The following MAF variants were observed in gnomAD, a reference collection of about 807,000 sequenced individuals.
MAF encodes the protein transcription factor Maf.
Under a neutral mutation model 22.0 loss-of-function variants are expected in MAF, and 10 were observed. The ratio of observed to expected loss-of-function variants is 0.45; its 90% CI spans 0.28 to 0.77. MAF has a LOEUF of 0.77. Ranked by LOEUF, MAF falls within the 30% of genes least tolerant of loss-of-function variation. The probability of loss-of-function intolerance (pLI) is 0.12; values close to 1 mark genes in which losing one functional copy is unlikely to be tolerated. For missense variants in MAF, 544 were observed against 548.4 expected, an observed-to-expected ratio of 0.99 and a Z score of 0.08; for synonymous variants, 337 against 255.8, an observed-to-expected ratio of 1.32 and a Z score of -3.03.
At chr16:79,276,395 C>T in the MAF span, among the ~76,000 whole-genome samples, 21 of 152,288 alleles carry the variant, frequency 1.4e-4, no homozygotes, top group Admixed American at 4.6e-4. Context: ...GTTTACCCAG[C>T]GTTCTGTGGC....
chr16:79,542,827 G>A, the MAF span, among the ~76,000 whole-genome samples: 1 of 152,186 alleles, frequency 6.6e-6, no homozygotes, highest in Non-Finnish European at 1.5e-5. Flanking sequence ...AGTAGATCAT[G>A]ATAGACTTTA....
the MAF span, among the ~76,000 whole-genome samples, chr16:79,371,950 T>A: frequency 2.6e-5 from 4 of 152,058 alleles, no homozygotes; most frequent in Non-Finnish European, 4.4e-5. Context: ...TGTGGATAAA[T>A]AACATTCACC....
At chr16:79,341,836 G>C in the MAF span, among the ~76,000 whole-genome samples, 1 of 152,170 alleles carries the variant, frequency 6.6e-6, no homozygotes, top group South Asian at 2.1e-4. Flanking sequence ...GGAGAGTTGA[G>C]ACTCATCCTG....
the MAF span, among the ~76,000 whole-genome samples, chr16:79,287,858 CTG>C: frequency 2.0e-5 from 3 of 152,150 alleles, no homozygotes; most frequent in South Asian, 2.1e-4. Flanking sequence ...GTTAGCTTCT[CTG>C]TGTTAGGCAG....
chr16:79,517,993 T>C, the MAF span, among the ~76,000 whole-genome samples: 1 of 152,204 alleles, frequency 6.6e-6, no homozygotes, highest in Non-Finnish European at 1.5e-5. Flanking sequence ...AACTCAACAG[T>C]AGTTGCTTTT....
At chr16:79,419,110 T>A in the MAF span, among the ~76,000 whole-genome samples, 3 of 152,218 alleles carry the variant, frequency 2.0e-5, no homozygotes, top group Non-Finnish European at 2.9e-5. Flanking sequence ...CCGAATTAAC[T>A]TCCCCCCTCA....
the MAF span, among the ~76,000 whole-genome samples, chr16:79,502,716 T>C: frequency 8.2e-3 from 169 of 20,568 alleles, 5 homozygotes; most frequent in Non-Finnish European, 0.014. Context: ...TAAATATATA[T>C]ATATATATAT....
At chr16:79,469,098 G>A in the MAF span, among the ~76,000 whole-genome samples, 12 of 152,106 alleles carry the variant, frequency 7.9e-5, no homozygotes, top group East Asian at 3.8e-4. Flanking sequence ...CAACTCATGC[G>A]TTCCTCTAAA....
intron 1 of MAF, chr16:79,596,791 T>C (rs1913552131): frequency 5.7e-6 from 6 of 1,047,142 alleles, no homozygotes; most frequent in Middle Eastern, 4.4e-4. Context: ...TGCACCACAA[T>C]ACAACTGTAA....
the MAF span, among the ~76,000 whole-genome samples, chr16:79,368,205 G>A: frequency 6.6e-6 from 1 of 152,186 alleles, no homozygotes; most frequent in Admixed American, 6.5e-5. Context: ...TCGCGTCTGG[G>A]AGCTGATGCT....
chr16:79,544,796 G>A, the MAF span, among the ~76,000 whole-genome samples: 182 of 149,070 alleles, frequency 1.2e-3, 1 homozygote, highest in African/African-American at 3.9e-3. Context: ...AAAAATGTCA[G>A]TAGCAACAGA....
the MAF span, among the ~76,000 whole-genome samples, chr16:79,439,678 C>G: frequency 6.6e-6 from 1 of 152,138 alleles, no homozygotes; most frequent in East Asian, 1.9e-4. Flanking sequence ...GATGCAAAAC[C>G]ATAGACACTC....
the MAF span, among the ~76,000 whole-genome samples, chr16:79,269,667 T>G: frequency 6.6e-6 from 1 of 152,198 alleles, no homozygotes; most frequent in African/African-American, 2.4e-5. Context: ...ATTCTGGTTT[T>G]GGCTCATCTT....
chr16:79,456,223 C>T, the MAF span, among the ~76,000 whole-genome samples: 3 of 152,056 alleles, frequency 2.0e-5, no homozygotes, highest in Admixed American at 6.6e-5. Flanking sequence ...TCCTGGAAAG[C>T]ATCCTGTGCA....
downstream of MAF, among the ~76,000 whole-genome samples, chr16:79,589,911 G>C (rs1337807246): frequency 6.6e-6 from 1 of 152,154 alleles, no homozygotes; most frequent in South Asian, 2.1e-4. Flanking sequence ...CGTTGCTGGC[G>C]TCTGAGCGCA....
At chr16:79,439,217 C>A in the MAF span, among the ~76,000 whole-genome samples, 1 of 151,788 alleles carries the variant, frequency 6.6e-6, no homozygotes, top group African/African-American at 2.4e-5. Flanking sequence ...ACAAGTCCAC[C>A]TCTTTCACCA....
chr16:79,360,127 T>C, the MAF span, among the ~76,000 whole-genome samples: 1 of 152,242 alleles, frequency 6.6e-6, no homozygotes, highest in African/African-American at 2.4e-5. Flanking sequence ...GAGAGAGCTA[T>C]CATGTCTCAT....
At chr16:79,378,279 C>G in the MAF span, among the ~76,000 whole-genome samples, 1 of 152,070 alleles carries the variant, frequency 6.6e-6, no homozygotes, top group Non-Finnish European at 1.5e-5. Flanking sequence ...AAATGGAATA[C>G]TATACAGCAA....
the MAF span, among the ~76,000 whole-genome samples, chr16:79,285,276 C>G: frequency 1.3e-5 from 2 of 152,088 alleles, no homozygotes; most frequent in Admixed American, 6.6e-5. Flanking sequence ...ATACGGCCCC[C>G]CTTTCGTTAG....
Sources: gnomAD v4.1 joint callset for allele counts (sites outside exome capture counted in the v4.1 genomes callset) on GRCh38, gnomAD v4.1.1 for gene constraint, MANE v1.5 for transcripts, NCBI Gene and HGNC (gene_info 2026-07-23, HGNC 2026-07-21) for gene names.